ADAM19: variants seen among roughly 807,000 people sequenced by gnomAD.
The protein encoded by ADAM19 is disintegrin and metalloproteinase domain-containing protein 19.
In ADAM19, 65 loss-of-function variants were observed where a neutral mutation model predicts 114.7. The ratio of observed to expected loss-of-function variants is 0.57; its 90% CI spans 0.46 to 0.70. The LOEUF (loss-of-function observed/expected upper bound fraction) is 0.70, where lower values mean the gene tolerates loss of function less well. Ranked by LOEUF, ADAM19 falls within the 30% of genes least tolerant of loss-of-function variation. The probability of loss-of-function intolerance (pLI) is 0.00; values close to 1 mark genes in which losing one functional copy is unlikely to be tolerated. For missense variants in ADAM19, 1,063 were observed against 1,204.7 expected, an observed-to-expected ratio of 0.88 and a Z score of 1.74; for synonymous variants, 466 against 460.5, an observed-to-expected ratio of 1.01 and a Z score of -0.15.
intron 9 of ADAM19, among the ~76,000 whole-genome samples, chr5:157,508,008 C>A (rs894903017): frequency 5.3e-5 from 8 of 152,214 alleles, no homozygotes. Flanking sequence ...GAACCTAGCA[C>A]AGAATCTCAC....
chr5:157,517,566 T>C (rs1756129191), intron 7 of ADAM19, among the ~76,000 whole-genome samples: 1 of 152,220 alleles, frequency 6.6e-6, no homozygotes, highest in African/African-American at 2.4e-5. Context: ...CAAAACCATG[T>C]TGAATCCCCC....
intron 1 of ADAM19, among the ~76,000 whole-genome samples, chr5:157,574,223 T>C (rs916657875): frequency 6.6e-6 from 1 of 152,212 alleles, no homozygotes; most frequent in Non-Finnish European, 1.5e-5. Context: ...GATCATTTTC[T>C]TTTACACTTT....
rs1468276742 is a variant in ADAM19 at position 157,480,579 on chromosome 5, TG to T, written c.*369del. 1.8e-6 allele frequency: 2 copies of T among 1,082,708 alleles called. No homozygotes were observed. The highest frequency in any genetic ancestry group is 3.3e-5 in the African/African-American group (2 of 60,222). 67.1% of individuals were successfully genotyped at this position (1,082,708 alleles called of 1,614,324 possible). On this transcript the variant is annotated 3_prime_UTR_variant, in exon 23 of 23. Transcript: ENST00000257527. ...GCGTGCCCTGCACCCCAGGAGTGAA[TG>T]GATGGCTTCTGCAAGCGAAGTGCTG...
In ADAM19 at chr5:157,477,837, G is replaced by C. The variant is rs1754637573; in HGVS notation, c.*3112C>G. On this transcript the variant is annotated 3_prime_UTR_variant, in exon 23 of 23. Coordinates refer to ENST00000257527, the MANE Select transcript of ADAM19 (RefSeq NM_033274.5). ...TGGGGAGGGGCTATTGCTTCAGGGG[G>C]AAGGGACTATGGCAATACAAAAAAA... The C allele has an allele frequency of 1.3e-6, 1 of 750,224 alleles. No individual in the cohort carries two copies. The highest frequency in any genetic ancestry group is 1.8e-5 in the African/African-American group (1 of 55,322). 46.5% of individuals were successfully genotyped at this position (750,224 alleles called of 1,614,324 possible).
chr5:157,541,820 A>G (rs2113768052), intron 3 of ADAM19, among the ~76,000 whole-genome samples: 1 of 152,376 alleles, frequency 6.6e-6, no homozygotes, highest in Middle Eastern at 3.4e-3. Context: ...GAGCAGTGAC[A>G]CTAAAATGAA....
intron 12 of ADAM19, among the ~76,000 whole-genome samples, chr5:157,500,507 A>C (rs1469695596): frequency 6.6e-6 from 1 of 151,978 alleles, no homozygotes; most frequent in African/African-American, 2.4e-5. Flanking sequence ...TGTTTTTCTA[A>C]TCCCCAGTAG....
Position 157,513,526 on chromosome 5 carries a change from C to T in ADAM19, c.667-21G>A, listed in dbSNP as rs559656075. ...TGAAACTAAATGGGACAAGCAGAAC[C>T]ATGTGAGATCCCAGAACCTCTCACA... is the stretch of plus-strand genomic sequence containing the variant. On this transcript the variant is annotated intron_variant, in intron 7 of 22. Transcript: ENST00000257527. 1.2e-5 allele frequency: 19 copies of T among 1,609,250 alleles called. No individual in the cohort carries two copies. The African/African-American group carries it at 1.2e-4, about 10-fold the overall frequency.
Position 157,508,140 on chromosome 5 carries a change from T to C in ADAM19, c.906-1000A>G, listed in dbSNP as rs1484479421. Among the ~76,000 whole-genome samples the C allele has an allele frequency of 7.8e-4, 119 of 152,266 alleles. 1 individual carries two copies. The highest frequency in any genetic ancestry group is 2.2e-4 in the Non-Finnish European group (15 of 68,044). On this transcript the variant is annotated intron_variant, in intron 9 of 22. Transcript: ENST00000257527. Reference sequence around the variant, plus strand: ...ATATGAAGTCCTACTAGTTATTTTCTACATGTTCCAAAGTTCAGGCCAAAA... The same window carrying C: ...ATATGAAGTCCTACTAGTTATTTTCCACATGTTCCAAAGTTCAGGCCAAAA...
At chr5:157,558,380 T>C (rs902125731) in intron 3 of ADAM19, among the ~76,000 whole-genome samples, 1 of 152,210 alleles carries the variant, frequency 6.6e-6, no homozygotes, top group African/African-American at 2.4e-5. Context: ...GAAAAACATT[T>C]TGAATACTTT....
At chr5:157,519,323 T>C (rs1301904379) in intron 6 of ADAM19, among the ~76,000 whole-genome samples, 4 of 152,224 alleles carry the variant, frequency 2.6e-5, no homozygotes, top group African/African-American at 9.6e-5. Flanking sequence ...CCCCACTTTT[T>C]AATTTTTATT....
In ADAM19 at chr5:157,551,410, C is replaced by CT. The variant is rs1757192369; in HGVS notation, c.251+12962_251+12963insA. ...CAGAGCATGATTCTGTCCCCCCAAC[C>CT]CCAAAAAAAAAAAAAAAAAAAGACC... On this transcript the variant is annotated intron_variant, in intron 3 of 22. Coordinates refer to ENST00000257527, the MANE Select transcript of ADAM19 (RefSeq NM_033274.5). 7.8e-4 allele frequency among the ~76,000 whole-genome samples: 29 copies of CT among 37,264 alleles called. No individual in the cohort carries two copies. In the South Asian group the frequency reaches 0.052, roughly 66 times the overall value. 24.4% of individuals were successfully genotyped at this position (37,264 alleles called of 152,430 possible).
At chr5:157,497,225 C>T in intron 13 of ADAM19, 136 bp from the exon 14 acceptor site, 1 of 749,482 alleles carries the variant, frequency 1.3e-6, no homozygotes, top group Admixed American at 4.3e-5. Context: ...TTTACATGAC[C>T]TCATTAGCCC....
intron 3 of ADAM19, among the ~76,000 whole-genome samples, chr5:157,556,279 C>T (rs372995620): frequency 1.9e-4 from 24 of 123,862 alleles, no homozygotes; most frequent in East Asian, 1.0e-3. Flanking sequence ...AGTGCAGTGG[C>T]ACAATCTCGG....
At chr5:157,540,247 C>A (rs1756881229) in intron 3 of ADAM19, among the ~76,000 whole-genome samples, 1 of 152,226 alleles carries the variant, frequency 6.6e-6, no homozygotes, top group Admixed American at 6.5e-5. Flanking sequence ...GCCATGAACT[C>A]TCCAGTACAT....
At chr5:157,566,634 G>A (rs1757670799) in intron 2 of ADAM19, 1 of 152,116 alleles carries the variant, frequency 6.6e-6, no homozygotes, top group Admixed American at 6.5e-5. Flanking sequence ...ATTTAAAACA[G>A]AACAGATTCT....
chr5:157,531,312 G>A (rs1756617684), intron 4 of ADAM19, among the ~76,000 whole-genome samples: 1 of 152,148 alleles, frequency 6.6e-6, no homozygotes, highest in South Asian at 2.1e-4. Context: ...TAAAATTCAT[G>A]TCCACCTCAG....
intron 16 of ADAM19, 123 bp downstream of exon 16, chr5:157,492,850 G>T: frequency 1.0e-6 from 1 of 993,366 alleles, no homozygotes; most frequent in Non-Finnish European, 1.5e-6. Flanking sequence ...TTCATGAAGG[G>T]AGCCACCAAG....
At chr5:157,486,810 T>C (rs1370297084) in intron 21 of ADAM19, among the ~76,000 whole-genome samples, 1 of 151,982 alleles carries the variant, frequency 6.6e-6, no homozygotes, top group Non-Finnish European at 1.5e-5. Flanking sequence ...AAAAAAATCA[T>C]ATGCTGAAGC....
chr5:157,509,004 G>T (rs1006029614), intron 9 of ADAM19, among the ~76,000 whole-genome samples: 2 of 152,258 alleles, frequency 1.3e-5, no homozygotes, highest in African/African-American at 4.8e-5. Flanking sequence ...CCAACAGTCA[G>T]TCCCTTCCCA....
Sources: gnomAD v4.1 joint callset for allele counts (sites outside exome capture counted in the v4.1 genomes callset) on GRCh38, gnomAD v4.1.1 for gene constraint, MANE v1.5 for transcripts, NCBI Gene and HGNC (gene_info 2026-07-23, HGNC 2026-07-21) for gene names.